The following GRM8 variants were observed in gnomAD, a reference collection of about 807,000 sequenced individuals.
The protein encoded by GRM8 is glutamate metabotropic receptor 8, also known as metabotropic glutamate receptor 8.
A neutral mutation model predicts 87.2 loss-of-function variants in GRM8; 47 were observed. That is an observed-to-expected ratio of 0.54 (90% CI 0.43 to 0.69). The LOEUF (loss-of-function observed/expected upper bound fraction) is 0.69. GRM8 is among the 30% of genes least tolerant of loss of function. GRM8 has a pLI of 0.00. For missense variants in GRM8, 1,019 were observed against 1,139.2 expected (o/e 0.89, Z 1.52); for synonymous variants, 396 against 404.5 (o/e 0.98, Z 0.25).
chr7:126,904,064 T>C lies in GRM8; in HGVS notation c.926A>G (p.Asp309Gly), dbSNP rs1396012456. 1 of 1,611,712 alleles carries C rather than the reference T, an allele frequency of 6.2e-7. No individual in the cohort carries two copies. The highest frequency in any genetic ancestry group is 2.2e-5 in the East Asian group (1 of 44,808). Residue 309 changes from aspartate (D) to glycine (G), a missense_variant, in exon 5 of 11, where the codon GAT becomes GGT. By Grantham distance (94) the Asp-to-Gly change is moderately conservative (BLOSUM62 -1). Transcript: ENST00000339582. ...QSGHFLWIGSDSWGSKIAPVY... is the reference protein window; with the variant it reads ...QSGHFLWIGSGSWGSKIAPVY... ...AGGTGCTATTTTGGATCCCCAACTA[T>C]CTGAGCCAATCCAGAGAAAATGCCC...
intron 3 of GRM8, among the ~76,000 whole-genome samples, chr7:126,960,748 T>C (rs2131679421): frequency 6.6e-6 from 1 of 152,352 alleles, no homozygotes. Context: ...TATTGGACTA[T>C]GTCATTTTGA....
intron 2 of GRM8, among the ~76,000 whole-genome samples, chr7:127,184,021 A>G (rs1204248170): frequency 6.6e-6 from 1 of 152,014 alleles, no homozygotes; most frequent in East Asian, 1.9e-4. Context: ...TGAATCAATA[A>G]TTAACAACCA....
chr7:126,534,195 A>T (rs1395534830), intron 8 of GRM8, among the ~76,000 whole-genome samples: 7 of 152,164 alleles, frequency 4.6e-5, no homozygotes, highest in Admixed American at 4.6e-4. Flanking sequence ...AAAAAATAAA[A>T]TACAAAAAAA....
At chr7:127,026,296 C>A (rs575972538) in intron 3 of GRM8, among the ~76,000 whole-genome samples, 170 of 152,202 alleles carry the variant, frequency 1.1e-3, no homozygotes, top group African/African-American at 3.9e-3. Flanking sequence ...GGGAATAGTG[C>A]CACAATAAAC....
chr7:127,015,152 A>AAGAAGGAGAAGGAGAAGG lies in GRM8; in HGVS notation c.727+91326_727+91343dup, dbSNP rs1377826762. Among the ~76,000 whole-genome samples the AAGAAGGAGAAGGAGAAGG allele has an allele frequency of 1.1e-3, 74 of 70,064 alleles. 6 individuals carry two copies. Among genetic ancestry groups the AAGAAGGAGAAGGAGAAGG allele is most frequent in the African/African-American group, 4.7e-3 (67 of 14,360 alleles). The allele number at this position is 70,064 out of a possible 152,430, so 46.0% of individuals were successfully genotyped here. On this transcript the variant is annotated intron_variant, in intron 3 of 10. Transcript: ENST00000339582. ...GAAGGAGAAGGAAGAAGGAAGAAGG[A>AAGAAGGAGAAGGAGAAGG]AGAAGGAGAAGGAGAAGGAGAAGGA... is the stretch of plus-strand genomic sequence containing the variant.
At chr7:126,657,362 T>C (rs1360411327) in intron 7 of GRM8, among the ~76,000 whole-genome samples, 1 of 152,288 alleles carries the variant, frequency 6.6e-6, no homozygotes, top group East Asian at 1.9e-4. Flanking sequence ...AATACTCTTG[T>C]ACCAACCTAA....
intron 3 of GRM8, among the ~76,000 whole-genome samples, chr7:127,090,273 C>T (rs926937315): frequency 1.2e-4 from 18 of 152,184 alleles, no homozygotes; most frequent in African/African-American, 4.3e-4. Context: ...TCTGTAAATT[C>T]CCAGCACCTA....
chr7:126,832,161 T>C (rs1795447501), intron 6 of GRM8, among the ~76,000 whole-genome samples: 1 of 142,164 alleles, frequency 7.0e-6, no homozygotes, highest in South Asian at 2.2e-4. Context: ...CGCAACATAG[T>C]GCCATCTTCC....
At position 127,117,419 on chromosome 7, in the gene GRM8, C is replaced by A. The variant is rs190873466; in HGVS notation, c.511-10707G>T. ...CCAGGGAGACATGGAGAACTGCATT[C>A]CCTGATTTCATTCTTTCTGTTTCTG... is the stretch of plus-strand genomic sequence containing the variant. On this transcript the variant is annotated intron_variant, in intron 2 of 10. Coordinates refer to ENST00000339582, the MANE Select transcript of GRM8 (RefSeq NM_000845.3). 1.1e-3 allele frequency among the ~76,000 whole-genome samples: 175 copies of A among 152,284 alleles called. 1 individual carries two copies. The highest frequency in any genetic ancestry group is 4.2e-3 in the African/African-American group (174 of 41,568).
chr7:127,017,630 C>T (rs1815818078), intron 3 of GRM8, among the ~76,000 whole-genome samples: 1 of 151,976 alleles, frequency 6.6e-6, no homozygotes, highest in Non-Finnish European at 1.5e-5. Context: ...TGATGCATGT[C>T]ATTTGGAACT....
chr7:127,000,820 A>G (rs2132029268), intron 3 of GRM8, among the ~76,000 whole-genome samples: 1 of 151,808 alleles, frequency 6.6e-6, no homozygotes, highest in East Asian at 1.9e-4. Context: ...ATGCCACTGA[A>G]TTGAATACTT....
chr7:127,089,113 C>A (rs1034568612), intron 3 of GRM8, among the ~76,000 whole-genome samples: 3 of 152,162 alleles, frequency 2.0e-5, no homozygotes, highest in Non-Finnish European at 4.4e-5. Context: ...GAGATGAGAT[C>A]ATCTTAGAAT....
At chr7:127,200,024 A>G (rs962327206) in intron 2 of GRM8, among the ~76,000 whole-genome samples, 1 of 152,230 alleles carries the variant, frequency 6.6e-6, no homozygotes, top group African/African-American at 2.4e-5. Flanking sequence ...TTTGGTATGG[A>G]CTAACCCAAA....
At chr7:127,201,589 G>T (rs1380629778) in intron 2 of GRM8, among the ~76,000 whole-genome samples, 3 of 152,204 alleles carry the variant, frequency 2.0e-5, no homozygotes, top group African/African-American at 4.8e-5. Flanking sequence ...ACATACAGGG[G>T]ACTATGCTTT....
At chr7:127,185,247 A>C (rs1010189312) in intron 2 of GRM8, among the ~76,000 whole-genome samples, 1 of 152,110 alleles carries the variant, frequency 6.6e-6, no homozygotes, top group East Asian at 1.9e-4. Flanking sequence ...TCGTATTAGC[A>C]AAAGAATAGA....
At chr7:127,225,725 T>A (rs1448589145) in intron 2 of GRM8, among the ~76,000 whole-genome samples, 1 of 149,684 alleles carries the variant, frequency 6.7e-6, no homozygotes, top group Non-Finnish European at 1.5e-5. Flanking sequence ...ATAATAGGCA[T>A]TTTCTGACTT....
intron 7 of GRM8, among the ~76,000 whole-genome samples, chr7:126,750,483 T>A (rs995151103): frequency 6.6e-6 from 1 of 151,986 alleles, no homozygotes; most frequent in Non-Finnish European, 1.5e-5. Flanking sequence ...ATATTTTACC[T>A]CAATTAAGCC....
intron 2 of GRM8, among the ~76,000 whole-genome samples, chr7:127,170,248 A>G (rs1371954136): frequency 6.6e-6 from 1 of 152,194 alleles, no homozygotes; most frequent in African/African-American, 2.4e-5. Flanking sequence ...CCCCACCCAC[A>G]TCACTAATGA....
Position 126,763,117 on chromosome 7 carries a change from T to G in GRM8, c.1357+6748A>C, listed in dbSNP as rs531907512. On this transcript the variant is annotated intron_variant, in intron 7 of 10. Coordinates refer to ENST00000339582, the MANE Select transcript of GRM8 (RefSeq NM_000845.3). ...ATGTTTTGACACAACACCCCCCCAATGAATCCTTATAATTTCCGTTTTTGA... is the reference window on the plus strand; with the variant it reads ...ATGTTTTGACACAACACCCCCCCAAGGAATCCTTATAATTTCCGTTTTTGA... Among the ~76,000 whole-genome samples the G allele has an allele frequency of 8.4e-3, 1,223 of 146,270 alleles. 11 individuals carry two copies. The highest frequency in any genetic ancestry group is 0.031 in the African/African-American group (1,138 of 36,484).
Sources: allele counts gnomAD v4.1 joint callset (sites outside exome capture counted in the v4.1 genomes callset), GRCh38; gene constraint gnomAD v4.1.1; transcripts MANE v1.5; gene names NCBI Gene and HGNC (gene_info 2026-07-23, HGNC 2026-07-21).